IGSF10: variants seen among roughly 807,000 people sequenced by gnomAD.
IGSF10 encodes immunoglobulin superfamily member 10, also known as calvaria mechanical force protein 608.
A neutral mutation model predicts 128.2 loss-of-function variants in IGSF10; 126 were observed. The ratio of observed to expected loss-of-function variants is 0.98; its 90% CI spans 0.85 to 1.14. The LOEUF is 1.14. Ranked by LOEUF, IGSF10 falls within the 50% of genes most tolerant of loss-of-function variation. IGSF10 has a pLI of 0.00. For synonymous variants in IGSF10, 1,185 were observed against 1,146.2 expected (o/e 1.03, Z -0.68); for missense variants, 3,295 against 3,149.8 (o/e 1.05, Z -1.10).
chr3:151,445,034 C>A lies in IGSF10; in HGVS notation c.4947G>T (p.Arg1649Ser). Residue 1649 changes from arginine (R) to serine (S), a missense_variant, in exon 6 of 8, where the codon AGG becomes AGT. Transcript: ENST00000282466. Reference sequence around the variant, plus strand: ...AACTTGCAGCTTTTCCTCCAACTATCCTGGGCTTTTCAAATATATACCTAG... The same window carrying A: ...AACTTGCAGCTTTTCCTCCAACTATACTGGGCTTTTCAAATATATACCTAG... The part of the protein sequence containing the change: ...SLSRYIFEKP[R>S]IVGGKAASFT... The A allele has an allele frequency of 6.2e-7, 1 of 1,614,196 alleles. No individual in the cohort carries two copies. Among genetic ancestry groups the A allele is most frequent in the Non-Finnish European group, 8.5e-7 (1 of 1,180,030 alleles).
At chr3:151,567,372 C>A in the IGSF10 span, among the ~76,000 whole-genome samples, 1 of 152,190 alleles carries the variant, frequency 6.6e-6, no homozygotes, top group Non-Finnish European at 1.5e-5. Flanking sequence ...CTGAGAGTAT[C>A]ATCTGTAAAC....
At chr3:151,477,370 C>T in the IGSF10 span, among the ~76,000 whole-genome samples, 1 of 152,092 alleles carries the variant, frequency 6.6e-6, no homozygotes, top group African/African-American at 2.4e-5. Context: ...ACAAGAGGTA[C>T]TGTTTTCCAG....
At chr3:151,492,094 T>C in the IGSF10 span, among the ~76,000 whole-genome samples, 2 of 152,082 alleles carry the variant, frequency 1.3e-5, no homozygotes, top group Admixed American at 6.6e-5. Context: ...AAAAAAATAT[T>C]TGCAAATCAC....
the IGSF10 span, among the ~76,000 whole-genome samples, chr3:151,575,019 G>A: frequency 6.6e-6 from 1 of 152,188 alleles, no homozygotes; most frequent in Non-Finnish European, 1.5e-5. Context: ...GTCCACTCAA[G>A]ACCCTGTTTG....
the IGSF10 span, among the ~76,000 whole-genome samples, chr3:151,575,745 G>C: frequency 6.6e-6 from 1 of 152,114 alleles, no homozygotes; most frequent in African/African-American, 2.4e-5. Flanking sequence ...TGTCCAACCA[G>C]TCCCAATGAG....
rs549813973 is a variant in IGSF10, at chr3:151,449,086, T to C, written c.895A>G (p.Ser299Gly). Residue 299 changes from serine (S) to glycine (G), a missense_variant, in exon 6 of 8, where the codon AGT (serine) becomes GGT (glycine). Transcript: ENST00000282466. ...KSKSLTILED[S>G]SSAFISPQGF... is the part of the protein sequence containing the mutation. Reference sequence around the variant, plus strand: ...TGGGGAGAGATGAAAGCAGAACTACTGTCTTCCAGAATAGTCAGGCTCTTT... The same window carrying C: ...TGGGGAGAGATGAAAGCAGAACTACCGTCTTCCAGAATAGTCAGGCTCTTT... The C allele has an allele frequency of 9.9e-6, 16 of 1,614,204 alleles. No homozygotes were observed. In the African/African-American group the frequency reaches 2.1e-4, roughly 22 times the overall value.
At chr3:151,541,898 C>G in the IGSF10 span, among the ~76,000 whole-genome samples, 6 of 152,088 alleles carry the variant, frequency 3.9e-5, no homozygotes, top group East Asian at 1.2e-3. Context: ...AAGCAACTTT[C>G]CTTAGAAAGG....
At chr3:151,536,496 T>C in the IGSF10 span, among the ~76,000 whole-genome samples, 4 of 152,212 alleles carry the variant, frequency 2.6e-5, no homozygotes, top group Non-Finnish European at 5.9e-5. Flanking sequence ...TGTATTTTAT[T>C]TGGCAACCTT....
rs750618337 is a variant in IGSF10, at chr3:151,436,879, G to A, written c.7682C>T (p.Thr2561Ile). The A allele has an allele frequency of 1.1e-5, 17 of 1,614,004 alleles. No individual in the cohort carries two copies. The highest frequency in any genetic ancestry group is 4.4e-5 in the South Asian group (4 of 91,084). The change falls in exon 8 of 8, where the codon ACA becomes ATA. Residue 2561 changes from threonine to isoleucine, a missense_variant. By Grantham distance (89) the Thr-to-Ile change is moderately conservative. Coordinates refer to ENST00000282466, the MANE Select transcript of IGSF10 (RefSeq NM_178822.5). ...AAGGGAGTGGTCAGGCATCTCCCAT[G>A]TGATTTCTGGCTTGGGAACTCCCAA... ...VALGVPKPEI[T>I]WEMPDHSLLS...
At chr3:151,496,707 C>G in the IGSF10 span, among the ~76,000 whole-genome samples, 1 of 151,738 alleles carries the variant, frequency 6.6e-6, no homozygotes, top group East Asian at 1.9e-4. Flanking sequence ...AATGGGATGG[C>G]TGGGTCAAAT....
the IGSF10 span, among the ~76,000 whole-genome samples, chr3:151,591,086 C>T: frequency 1.3e-5 from 2 of 152,078 alleles, no homozygotes; most frequent in African/African-American, 2.4e-5. Context: ...TGATGGCCAT[C>T]ATGTACTGTT....
At chr3:151,543,412 C>T in the IGSF10 span, among the ~76,000 whole-genome samples, 1 of 152,142 alleles carries the variant, frequency 6.6e-6, no homozygotes, top group Non-Finnish European at 1.5e-5. Flanking sequence ...ACCCCCACAC[C>T]TGCAGCTGCA....
the IGSF10 span, among the ~76,000 whole-genome samples, chr3:151,603,013 T>G: frequency 6.6e-6 from 1 of 152,236 alleles, no homozygotes; most frequent in African/African-American, 2.4e-5. Context: ...CCTGCAATTA[T>G]TTCATATCTT....
chr3:151,571,016 G>A, the IGSF10 span, among the ~76,000 whole-genome samples: 3 of 152,090 alleles, frequency 2.0e-5, no homozygotes, highest in Admixed American at 6.5e-5. Context: ...GCTTGTTTTT[G>A]TCAGGTTTGT....
chr3:151,579,618 A>C, the IGSF10 span, among the ~76,000 whole-genome samples: 2 of 151,964 alleles, frequency 1.3e-5, no homozygotes, highest in African/African-American at 2.4e-5. Context: ...AAAAACTGCC[A>C]GAGAATTCAA....
the IGSF10 span, among the ~76,000 whole-genome samples, chr3:151,538,754 G>C: frequency 6.6e-6 from 1 of 152,170 alleles, no homozygotes. Flanking sequence ...TGTCTGGCAT[G>C]TAGTAGTCAC....
At chr3:151,486,783 C>G in the IGSF10 span, among the ~76,000 whole-genome samples, 1 of 151,902 alleles carries the variant, frequency 6.6e-6, no homozygotes, top group African/African-American at 2.4e-5. Flanking sequence ...TTTTTGAAAC[C>G]AATAAGAACA....
At chr3:151,604,201 A>C in the IGSF10 span, among the ~76,000 whole-genome samples, 2 of 152,318 alleles carry the variant, frequency 1.3e-5, no homozygotes, top group East Asian at 3.9e-4. Flanking sequence ...AGAACTATTT[A>C]ATAGTAATCA....
chr3:151,610,701 A>G, the IGSF10 span, among the ~76,000 whole-genome samples: 4 of 152,160 alleles, frequency 2.6e-5, no homozygotes, highest in Non-Finnish European at 5.9e-5. Context: ...GTAGAAATTT[A>G]TTTGGCATAT....
Sources: gnomAD v4.1 joint callset for allele counts (sites outside exome capture counted in the v4.1 genomes callset) on GRCh38, gnomAD v4.1.1 for gene constraint, MANE v1.5 for transcripts, NCBI Gene and HGNC (gene_info 2026-07-23, HGNC 2026-07-21) for gene names.